The following R3HDM1 variants were observed in gnomAD, a reference collection of about 807,000 sequenced individuals.
The protein encoded by R3HDM1 is R3H domain containing 1, also known as R3H domain-containing protein 1.
R3HDM1 carries 46 observed loss-of-function variants against 141.1 expected under a neutral mutation model. That is an observed-to-expected ratio of 0.33 (90% CI 0.26 to 0.42). The LOEUF (loss-of-function observed/expected upper bound fraction) is 0.42, where lower values mean the gene tolerates loss of function less well. Ranked by LOEUF, R3HDM1 falls within the 10% of genes least tolerant of loss-of-function variation. The probability of loss-of-function intolerance (pLI) is 1.00; values close to 1 mark genes in which losing one functional copy is unlikely to be tolerated. For synonymous variants in R3HDM1, 435 were observed against 472.9 expected (o/e 0.92, Z 1.04); for missense variants, 1,184 against 1,368.3 (o/e 0.87, Z 2.12).
At chr2:135,641,835 A>T (rs201893396) in intron 15 of R3HDM1, 45 bp downstream of exon 15, 3 of 1,517,170 alleles carry the variant, frequency 2.0e-6, no homozygotes, top group Non-Finnish European at 2.7e-6. Flanking sequence ...CTGAAAATTT[A>T]AGGATACTTA....
At chr2:135,678,383 A>G (rs541009693) in intron 20 of R3HDM1, among the ~76,000 whole-genome samples, 8 of 152,212 alleles carry the variant, frequency 5.3e-5, no homozygotes, top group African/African-American at 1.9e-4. Flanking sequence ...CTAAGGTCTT[A>G]TAGCTAGTAA....
chr2:135,715,780 CCTTT>C, intron 24 of R3HDM1, 86 bp downstream of exon 24: 6 of 1,479,016 alleles, frequency 4.1e-6, no homozygotes, highest in Non-Finnish European at 5.5e-6. Context: ...GGTAATATTG[CCTTT>C]CTATTTTCCA....
intron 18 of R3HDM1, among the ~76,000 whole-genome samples, chr2:135,654,039 G>A (rs191958427): frequency 4.1e-4 from 62 of 152,120 alleles, no homozygotes; most frequent in South Asian, 1.7e-3. Context: ...CATATTCACA[G>A]TGTTGTACAA....
At chr2:135,534,063 A>G (rs1695515057) in intron 1 of R3HDM1, 2 of 976,136 alleles carry the variant, frequency 2.0e-6, no homozygotes, top group Non-Finnish European at 2.4e-6. Flanking sequence ...CCATGGGTGT[A>G]TTAATTTATA....
At chr2:135,629,909 C>T (rs938509766) in intron 7 of R3HDM1, among the ~76,000 whole-genome samples, 2 of 152,038 alleles carry the variant, frequency 1.3e-5, no homozygotes, top group Non-Finnish European at 2.9e-5. Flanking sequence ...AGGGAAGATA[C>T]AGGGAGACAA....
chr2:135,646,945 C>T (rs2105265513), intron 16 of R3HDM1, among the ~76,000 whole-genome samples: 1 of 149,788 alleles, frequency 6.7e-6, no homozygotes, highest in South Asian at 2.1e-4. Flanking sequence ...TAATTTTGCT[C>T]ACAAATGATA....
At chr2:135,685,184 C>T (rs185110736) in intron 21 of R3HDM1, among the ~76,000 whole-genome samples, 1 of 152,140 alleles carries the variant, frequency 6.6e-6, no homozygotes, top group Admixed American at 6.6e-5. Context: ...ATTATGTCAT[C>T]CTGGCAGTTT....
chr2:135,549,871 G>T, intron 1 of R3HDM1: 1 of 645,334 alleles, frequency 1.5e-6, no homozygotes, highest in South Asian at 6.9e-5. Flanking sequence ...CTTTAAAAAT[G>T]GTCAATTGTG....
At chr2:135,705,245 A>G (rs1489305312) in intron 21 of R3HDM1, among the ~76,000 whole-genome samples, 2 of 152,224 alleles carry the variant, frequency 1.3e-5, no homozygotes, top group African/African-American at 2.4e-5. Context: ...TGCTAATTGC[A>G]TGTTTAAGTG....
intron 24 of R3HDM1, among the ~76,000 whole-genome samples, chr2:135,716,344 C>T (rs983493894): frequency 2.6e-5 from 4 of 152,178 alleles, no homozygotes; most frequent in Non-Finnish European, 5.9e-5. Context: ...ATTTATTCAG[C>T]AATCATTTAT....
intron 3 of R3HDM1, 116 bp downstream of exon 3, chr2:135,605,132 C>G: frequency 1.1e-6 from 1 of 884,584 alleles, no homozygotes; most frequent in Non-Finnish European, 1.7e-6. Context: ...CCCTTCGTGA[C>G]ATGCTTACTA....
At chr2:135,681,612 A>G (rs1180117200) in intron 21 of R3HDM1, among the ~76,000 whole-genome samples, 1 of 152,180 alleles carries the variant, frequency 6.6e-6, no homozygotes, top group Non-Finnish European at 1.5e-5. Flanking sequence ...ATCAAGCTAC[A>G]TGGTTCTTCA....
chr2:135,614,253 C>T (rs1262490743), intron 3 of R3HDM1, among the ~76,000 whole-genome samples: 1 of 152,176 alleles, frequency 6.6e-6, no homozygotes, highest in Non-Finnish European at 1.5e-5. Flanking sequence ...TATGAATATT[C>T]TCAAGCATTA....
In R3HDM1 at chr2:135,534,101, G is replaced by C. The variant is rs566694315; in HGVS notation, c.-250+2468G>C. 4 of 909,420 alleles carry C rather than the reference G, an allele frequency of 4.4e-6. No homozygotes were observed. The African/African-American group carries it at 7.2e-5, about 16-fold the overall frequency. The allele number at this position is 909,420 out of a possible 1,614,324, so 56.3% of individuals were successfully genotyped here. On this transcript the variant is annotated intron_variant, in intron 1 of 26. Coordinates refer to ENST00000683871, the MANE Select transcript of R3HDM1 (RefSeq NM_001378107.1). Reference sequence around the variant, plus strand: ...GTGACTTAAGCACAGTTTGCGACTAGTTATTTTTGATTAGCTTATGGAAGT... The same window carrying C: ...GTGACTTAAGCACAGTTTGCGACTACTTATTTTTGATTAGCTTATGGAAGT...
intron 1 of R3HDM1, among the ~76,000 whole-genome samples, chr2:135,589,409 G>T (rs1708699714): frequency 6.6e-6 from 1 of 152,020 alleles, no homozygotes; most frequent in Non-Finnish European, 1.5e-5. Flanking sequence ...TCTCTGCTCT[G>T]TGATCCCCCT....
At chr2:135,549,731 TG>T (rs1699490433) in intron 1 of R3HDM1, among the ~76,000 whole-genome samples, 1 of 151,966 alleles carries the variant, frequency 6.6e-6, no homozygotes, top group African/African-American at 2.4e-5. Flanking sequence ...TACCAGGAGT[TG>T]GGGGAAGGAA....
chr2:135,581,245 A>G, intron 1 of R3HDM1: 2 of 985,422 alleles, frequency 2.0e-6, no homozygotes, highest in Non-Finnish European at 2.4e-6. Context: ...AAAGTGGGGT[A>G]TAAGATCCTT....
intron 1 of R3HDM1, among the ~76,000 whole-genome samples, chr2:135,596,298 T>C (rs78980387): frequency 6.6e-6 from 1 of 152,198 alleles, no homozygotes; most frequent in South Asian, 2.1e-4. Flanking sequence ...GCGCCCAGCC[T>C]AATACTAAGC....
chr2:135,661,660 T>C (rs1017051035), intron 19 of R3HDM1, among the ~76,000 whole-genome samples: 1 of 152,218 alleles, frequency 6.6e-6, no homozygotes, highest in Non-Finnish European at 1.5e-5. Flanking sequence ...CATCTCTTAC[T>C]GCCATTGAGA....
Sources: gnomAD v4.1 joint callset for allele counts (sites outside exome capture counted in the v4.1 genomes callset) on GRCh38, gnomAD v4.1.1 for gene constraint, MANE v1.5 for transcripts, NCBI Gene and HGNC (gene_info 2026-07-23, HGNC 2026-07-21) for gene names.